The following FHOD3 variants were observed in gnomAD, a reference collection of about 807,000 sequenced individuals.
FHOD3 encodes the protein FH1/FH2 domain-containing protein 3.
FHOD3 carries 90 observed loss-of-function variants against 173.0 expected under a neutral mutation model. The ratio of observed to expected loss-of-function variants is 0.52; its 90% CI spans 0.44 to 0.62. FHOD3 has a LOEUF of 0.62. Ranked by LOEUF, FHOD3 falls within the 20% of genes least tolerant of loss-of-function variation. The probability of loss-of-function intolerance (pLI) is 0.00; values close to 1 mark genes in which losing one functional copy is unlikely to be tolerated. For missense variants in FHOD3, 1,945 were observed against 2,034.7 expected (o/e 0.96, Z 0.85); for synonymous variants, 828 against 823.0 (o/e 1.01, Z -0.10).
intron 8 of FHOD3, among the ~76,000 whole-genome samples, chr18:36,606,180 G>A (rs750701879): frequency 7.2e-5 from 11 of 152,264 alleles, no homozygotes; most frequent in Non-Finnish European, 1.6e-4. Context: ...TACTTTTATT[G>A]TTTTAAAATT....
intron 5 of FHOD3, among the ~76,000 whole-genome samples, chr18:36,575,594 ATGT>A (rs912863355): frequency 1.3e-3 from 192 of 152,352 alleles, no homozygotes; most frequent in African/African-American, 4.4e-3. Flanking sequence ...AGCATAAAAA[ATGT>A]TGTTTAGAAA....
chr18:36,646,113 G>A (rs1467620541), intron 10 of FHOD3, among the ~76,000 whole-genome samples: 1 of 152,170 alleles, frequency 6.6e-6, no homozygotes, highest in African/African-American at 2.4e-5. Flanking sequence ...AAAGAAGTAG[G>A]TAAAGCCATC....
At chr18:36,469,328 T>C (rs2053140964) in intron 3 of FHOD3, among the ~76,000 whole-genome samples, 1 of 152,158 alleles carries the variant, frequency 6.6e-6, no homozygotes, top group Admixed American at 6.5e-5. Context: ...GGGGCACGTG[T>C]AAACCACACT....
intron 3 of FHOD3, among the ~76,000 whole-genome samples, chr18:36,384,237 G>A (rs904925263): frequency 2.0e-5 from 3 of 151,984 alleles, no homozygotes; most frequent in South Asian, 2.1e-4. Context: ...AAAATTAGCC[G>A]GGCGTGGTGG....
intron 5 of FHOD3, among the ~76,000 whole-genome samples, chr18:36,542,167 G>C (rs952858500): frequency 2.0e-5 from 3 of 152,168 alleles, no homozygotes; most frequent in Non-Finnish European, 4.4e-5. Flanking sequence ...TTTGGAGAGT[G>C]AGTACCATCT....
At chr18:36,528,631 G>C (rs2056638046) in intron 5 of FHOD3, among the ~76,000 whole-genome samples, 1 of 152,158 alleles carries the variant, frequency 6.6e-6, no homozygotes, top group African/African-American at 2.4e-5. Context: ...GTTCACCCCT[G>C]TGGCCCTCTG....
At chr18:36,507,361 T>A (rs2055359652) in intron 4 of FHOD3, among the ~76,000 whole-genome samples, 1 of 152,250 alleles carries the variant, frequency 6.6e-6, no homozygotes, top group Non-Finnish European at 1.5e-5. Flanking sequence ...CCTAAATGAA[T>A]CTCATGTGCA....
chr18:36,460,086 T>C (rs2052461524), intron 3 of FHOD3, among the ~76,000 whole-genome samples: 1 of 152,250 alleles, frequency 6.6e-6, no homozygotes. Flanking sequence ...TGCTTTCTAA[T>C]GTGCCATTCT....
At chr18:36,391,426 G>A (rs1353350241) in intron 3 of FHOD3, among the ~76,000 whole-genome samples, 1 of 152,156 alleles carries the variant, frequency 6.6e-6, no homozygotes, top group African/African-American at 2.4e-5. Context: ...GGGTAGCCTT[G>A]TTCATGGGAA....
intron 3 of FHOD3, among the ~76,000 whole-genome samples, chr18:36,481,318 ACT>A (rs889594480): frequency 2.6e-5 from 4 of 151,558 alleles, no homozygotes; most frequent in Non-Finnish European, 4.4e-5. Flanking sequence ...GTGAGCCAAA[ACT>A]CTCCCTAAGA....
intron 4 of FHOD3, among the ~76,000 whole-genome samples, chr18:36,511,357 G>GTTTTTT (rs760692797): frequency 1.8e-4 from 26 of 143,584 alleles, no homozygotes; most frequent in East Asian, 4.1e-4. Context: ...TCTTGCCAAT[G>GTTTTTT]TTTTTTTTTT....
chr18:36,493,384 A>C (rs1286964249), intron 3 of FHOD3, among the ~76,000 whole-genome samples: 1 of 151,994 alleles, frequency 6.6e-6, no homozygotes, highest in Non-Finnish European at 1.5e-5. Context: ...GTAATAATGG[A>C]GTGAGGCTGC....
chr18:36,670,784 G>A (rs745502375), intron 14 of FHOD3, among the ~76,000 whole-genome samples: 1 of 152,126 alleles, frequency 6.6e-6, no homozygotes, highest in Non-Finnish European at 1.5e-5. Flanking sequence ...TGCTGGATGT[G>A]TTTGTGTTCT....
At chr18:36,409,216 C>G (rs904490475) in intron 3 of FHOD3, among the ~76,000 whole-genome samples, 4 of 152,296 alleles carry the variant, frequency 2.6e-5, no homozygotes, top group Non-Finnish European at 5.9e-5. Flanking sequence ...GCATGCACAT[C>G]TCCTTCAGCA....
At chr18:36,461,731 C>A (rs1312632326) in intron 3 of FHOD3, among the ~76,000 whole-genome samples, 1 of 152,128 alleles carries the variant, frequency 6.6e-6, no homozygotes, top group Non-Finnish European at 1.5e-5. Flanking sequence ...CCAATAAATT[C>A]TTGGAATGTA....
intron 5 of FHOD3, among the ~76,000 whole-genome samples, chr18:36,543,665 G>C (rs997136664): frequency 2.0e-5 from 3 of 152,186 alleles, no homozygotes; most frequent in African/African-American, 4.8e-5. Flanking sequence ...GGGGATGTGA[G>C]GTAGAGGAGC....
intron 3 of FHOD3, among the ~76,000 whole-genome samples, chr18:36,377,744 G>A (rs755579426): frequency 2.0e-5 from 3 of 152,230 alleles, no homozygotes; most frequent in South Asian, 2.1e-4. Context: ...CTCCCCACAC[G>A]TCCACTGTAT....
At chr18:36,313,563 A>C (rs1223941887) in intron 1 of FHOD3, among the ~76,000 whole-genome samples, 1 of 152,166 alleles carries the variant, frequency 6.6e-6, no homozygotes, top group African/African-American at 2.4e-5. Context: ...TTCACTCTGC[A>C]CAGTGCCCTT....
chr18:36,484,447 C>G (rs2054087902), intron 3 of FHOD3, among the ~76,000 whole-genome samples: 1 of 152,122 alleles, frequency 6.6e-6, no homozygotes, highest in Non-Finnish European at 1.5e-5. Flanking sequence ...AGGTGCTTCT[C>G]TGACTTAGGC....
Sources: allele counts gnomAD v4.1 joint callset (sites outside exome capture counted in the v4.1 genomes callset), GRCh38; gene constraint gnomAD v4.1.1; transcripts MANE v1.5; gene names NCBI Gene and HGNC (gene_info 2026-07-23, HGNC 2026-07-21).